Variants in ARHGAP4 observed in about 807,000 individuals in gnomAD.
ARHGAP4 encodes the protein Rho GTPase activating protein 4, also known as rho GTPase-activating protein 4.
In ARHGAP4, 25 loss-of-function variants were observed where a neutral mutation model predicts 67.6. That is an observed-to-expected ratio of 0.37 (90% CI 0.27 to 0.52). ARHGAP4 has a LOEUF of 0.52. Among genes scored for constraint, ARHGAP4 ranks in the 20% least tolerant of loss-of-function variants. The probability of loss-of-function intolerance (pLI) is 0.92; values close to 1 mark genes in which losing one functional copy is unlikely to be tolerated. For missense variants in ARHGAP4, 804 were observed against 854.6 expected, an observed-to-expected ratio of 0.94 and a Z score of 0.74; for synonymous variants, 448 against 373.7, an observed-to-expected ratio of 1.20 and a Z score of -2.29.
intron 5 of ARHGAP4, chrX:153,919,659 C>T (rs1476350378): frequency 1.1e-5 from 13 of 1,164,468 alleles, no homozygotes; most frequent in East Asian, 3.3e-5. Flanking sequence ...CAGCTGGAAG[C>T]GGCCACAGGC....
In ARHGAP4 at chrX:153,910,767, G is replaced by C. The variant is rs782399590; in HGVS notation, c.1749C>G (p.Leu583=). ...DLDSVAGVLK[L]YFRSLEPPLF... The stretch of plus-strand genomic sequence containing the variant: ...GTGGGGGCTCCAGGCTCCGGAAGTA[G>C]AGCTTCAGCACCCCGGCCACCGAGT... Residue 583 remains leucine (L), a synonymous_variant, in exon 15 of 22, where the codon CTC becomes CTG. Coordinates refer to ENST00000350060, the MANE Select transcript of ARHGAP4 (RefSeq NM_001666.5). The C allele has an allele frequency of 2.5e-6, 3 of 1,193,584 alleles. No individual in the cohort carries two copies. Among genetic ancestry groups the C allele is most frequent in the Admixed American group, 2.2e-5 (1 of 44,741 alleles).
In ARHGAP4 at chrX:153,918,977, G is replaced by A; in HGVS notation, c.887C>T (p.Ala296Val). ...GCTGCCCAGGCCCTGCACTTGGGAG[G>A]CTTGGGTGCGGCTCTCAGCGGCCGT... ...SYTAAESRTQ[A>V]SQVQGLGSLE... Residue 296 changes from alanine (A) to valine (V), a missense_variant, in exon 7 of 22, where the codon GCC becomes GTC. Ala to Val is a moderately conservative substitution (Grantham distance 64, BLOSUM62 0). Transcript: ENST00000350060. 2.5e-6 allele frequency: 3 copies of A among 1,212,070 alleles called. No individual in the cohort carries two copies. The highest frequency in any genetic ancestry group is 2.3e-4 in the Middle Eastern group (1 of 4,356).
At chrX:153,915,437 G>A (rs1481635689) in intron 7 of ARHGAP4, among the ~76,000 whole-genome samples, 1 of 111,440 alleles carries the variant, frequency 9.0e-6, no homozygotes, top group Non-Finnish European at 1.9e-5. Context: ...GGCTGGACTG[G>A]CTCACACCTG....
intron 12 of ARHGAP4, 66 bp downstream of exon 12, chrX:153,912,634 G>A (rs2065028837): frequency 2.1e-6 from 2 of 970,737 alleles, no homozygotes; most frequent in Non-Finnish European, 2.9e-6. Context: ...CGGCCACTGA[G>A]GTGACCCAGA....
intron 1 of ARHGAP4, chrX:153,922,592 A>T (rs2065103427): frequency 4.7e-6 from 1 of 212,265 alleles, no homozygotes; most frequent in South Asian, 2.2e-4. Flanking sequence ...GCCTGAAGCA[A>T]AGAAGTGCCT....
intron 7 of ARHGAP4, among the ~76,000 whole-genome samples, chrX:153,915,555 A>C (rs2065050630): frequency 9.0e-6 from 1 of 111,371 alleles, no homozygotes; most frequent in South Asian, 3.8e-4. Context: ...AAATACAAAA[A>C]TTACCCTGTC....
chrX:153,908,505 A>G (rs1434278454), intron 21 of ARHGAP4, among the ~76,000 whole-genome samples: 3 of 112,124 alleles, frequency 2.7e-5, no homozygotes, highest in Non-Finnish European at 5.6e-5. Flanking sequence ...CCCATGGTAC[A>G]GAGCACGGAG....
At position 153,913,853 on chromosome X, in the gene ARHGAP4, C is replaced by A; in HGVS notation, c.1059G>T (p.Glu353Asp). The A allele has an allele frequency of 8.2e-7, 1 of 1,212,319 alleles. No homozygotes were observed. Among genetic ancestry groups the A allele is most frequent in the Non-Finnish European group, 1.1e-6 (1 of 895,587 alleles). Residue 353 changes from glutamate (E) to aspartate (D), a missense_variant, in exon 8 of 22, where the codon GAG (glutamate) becomes GAT (aspartate). Physicochemically the swap from Glu to Asp is conservative, Grantham distance 45. Around this residue, in one of 2 missense-constraint regions of ARHGAP4, gnomAD observed 404 missense variants for 505.9 expected, o/e 0.80. Transcript: ENST00000350060. ...CTCTGGGCAGAATCTCGTCCCGCAG[C>A]TCCATTTCAACGCAGATCTCAGCCA... ...DEVAEICVEM[E>D]LRDEILPRAQ...
chrX:153,919,224 C>T lies in ARHGAP4; in HGVS notation c.741G>A (p.Leu247=). 8.2e-7 allele frequency: 1 copy of T among 1,212,336 alleles called. No individual in the cohort carries two copies. The highest frequency in any genetic ancestry group is 1.1e-6 in the Non-Finnish European group (1 of 895,670). The change falls in exon 6 of 22, where the codon CTG becomes CTA. Residue 247 remains leucine, a synonymous_variant. Coordinates refer to ENST00000350060, the MANE Select transcript of ARHGAP4 (RefSeq NM_001666.5). ...LKCTKARNEY[L]LSLASVNAAV... is the part of the protein sequence containing the mutation. ...CAGCGTTGACACTAGCCAGGCTAAG[C>T]AGGTACTCGTTGCGCGCCTTTGTGC... is the stretch of plus-strand genomic sequence containing the variant.
Position 153,910,915 on chromosome X carries a change from T to TCC in ARHGAP4, c.1681+5_1681+6dup. 1 of 659,800 alleles carries TCC rather than the reference T, an allele frequency of 1.5e-6. No individual in the cohort carries two copies. Among genetic ancestry groups the TCC allele is most frequent in the South Asian group, 2.8e-5 (1 of 36,083 alleles). 54.4% of individuals were successfully genotyped at this position (659,800 alleles called of 1,213,427 possible). A position where few individuals can be genotyped will look rare whatever the true frequency, so the allele number is the denominator to read the frequency against. On this transcript the variant is annotated splice_region_variant and intron_variant, in intron 14 of 21. Coordinates refer to ENST00000350060, the MANE Select transcript of ARHGAP4 (RefSeq NM_001666.5). ...CCCCCACCCCCGCCCGCCCTGCCCGTCCCCACCTCTCTCGAAGGCATCACG... is the reference window on the plus strand; with the variant it reads ...CCCCCACCCCCGCCCGCCCTGCCCGTCCCCCCACCTCTCTCGAAGGCATCACG...
chrX:153,912,964 C>A, intron 11 of ARHGAP4, 60 bp downstream of exon 11: 1 of 1,168,491 alleles, frequency 8.6e-7, no homozygotes, highest in East Asian at 3.1e-5. Flanking sequence ...CTGAGCTGGG[C>A]CCCAGGAAGA....
At chrX:153,914,045 C>A (rs2065039385) in intron 7 of ARHGAP4, 166 bp from the exon 8 acceptor site, 2 of 455,251 alleles carry the variant, frequency 4.4e-6, no homozygotes, top group East Asian at 7.4e-5. Flanking sequence ...CACACGTGTC[C>A]AAACCAAGAC....
At position 153,912,445 on chromosome X, in the gene ARHGAP4, C is replaced by G. The variant is rs781909006; in HGVS notation, c.1542+255G>C. Among the ~76,000 whole-genome samples the G allele has an allele frequency of 4.0e-4, 45 of 112,181 alleles. 1 individual carries two copies. Among genetic ancestry groups the G allele is most frequent in the Admixed American group, 3.9e-3 (41 of 10,576 alleles). On this transcript the variant is annotated intron_variant, in intron 12 of 21. Transcript: ENST00000350060. Reference sequence around the variant, plus strand: ...CGCAGGGGAGAAGCTCTCAATATCTCGCCCCTAAAAATGCCGCTGCCCCAG... The same window carrying G: ...CGCAGGGGAGAAGCTCTCAATATCTGGCCCCTAAAAATGCCGCTGCCCCAG...
chrX:153,924,566 T>C (rs1339319319), intron 1 of ARHGAP4, among the ~76,000 whole-genome samples: 1 of 111,582 alleles, frequency 9.0e-6, no homozygotes, highest in Admixed American at 9.5e-5. Context: ...CCGTGAGCCA[T>C]GTGAGGGCGG....
In ARHGAP4 at chrX:153,911,004, G is replaced by A. The variant is rs559771643; in HGVS notation, c.1604-5C>T. The A allele has an allele frequency of 1.1e-5, 13 of 1,165,256 alleles. No homozygotes were observed. In the South Asian group the frequency reaches 1.7e-4, roughly 15 times the overall value. On this transcript the variant is annotated splice_polypyrimidine_tract_variant and splice_region_variant and intron_variant, in intron 13 of 21. Transcript: ENST00000350060. ...AGATGCCTTCATGCTGCAGGCCTGT[G>A]GGAGGACAAGGAGCTGGTGGGCACT...
intron 21 of ARHGAP4, among the ~76,000 whole-genome samples, chrX:153,908,576 C>T (rs1025248306): frequency 2.7e-5 from 3 of 111,938 alleles, no homozygotes; most frequent in African/African-American, 6.5e-5. Context: ...TCTGCTCCTT[C>T]GAGAGCCGCT....
At chrX:153,915,017 T>C (rs1385208952) in intron 7 of ARHGAP4, among the ~76,000 whole-genome samples, 5 of 112,535 alleles carry the variant, frequency 4.4e-5, no homozygotes, top group African/African-American at 1.6e-4. Flanking sequence ...AGCCCCGCCG[T>C]ACAGGACTGC....
Position 153,921,815 on chromosome X carries a change from G to C in ARHGAP4, c.68-6C>G. On this transcript the variant is annotated splice_polypyrimidine_tract_variant and splice_region_variant and intron_variant, in intron 1 of 21. Coordinates refer to ENST00000350060, the MANE Select transcript of ARHGAP4 (RefSeq NM_001666.5). Reference sequence around the variant, plus strand: ...GCTCAGCTGCCAGCGCATCTCTGTGGGGGGAACCATGGCTCAGGCCTGGTC... The same window carrying C: ...GCTCAGCTGCCAGCGCATCTCTGTGCGGGGAACCATGGCTCAGGCCTGGTC... 1 of 1,181,668 alleles carries C rather than the reference G, an allele frequency of 8.5e-7. No individual in the cohort carries two copies. Among genetic ancestry groups the C allele is most frequent in the Non-Finnish European group, 1.1e-6 (1 of 882,720 alleles).
chrX:153,909,137 C>T lies in ARHGAP4; in HGVS notation c.2540G>A (p.Gly847Glu), dbSNP rs142056530. ...GCAGCGTCGTCTGTGTCCAGAGGGT[C>T]CCATGGCCTCAGGTGAGGTGCATGG... ...PEPCTSPEAMGPSGHRRRCLV... is the reference protein window; with the variant it reads ...PEPCTSPEAMEPSGHRRRCLV... Residue 847 changes from glycine (G) to glutamate (E), a missense_variant, in exon 21 of 22, where the codon GGA becomes GAA. By Grantham distance (98) the Gly-to-Glu change is moderately conservative. Transcript: ENST00000350060. 5 of 1,209,556 alleles carry T rather than the reference C, an allele frequency of 4.1e-6. No homozygotes were observed. The African/African-American group carries it at 8.7e-5, about 21-fold the overall frequency.
Sources: gnomAD v4.1 joint callset for allele counts (sites outside exome capture counted in the v4.1 genomes callset) on GRCh38, gnomAD v4.1.1 for gene constraint, gnomAD v4.1.1 regional missense constraint, MANE v1.5 for transcripts, NCBI Gene and HGNC (gene_info 2026-07-23, HGNC 2026-07-21) for gene names.